Variants in SLC44A1 observed in about 807,000 individuals in gnomAD.
The protein encoded by SLC44A1 is choline transporter-like protein 1.
In SLC44A1, 26 loss-of-function variants were observed where a neutral mutation model predicts 79.3. That is an observed-to-expected ratio of 0.33 (90% CI 0.24 to 0.46). SLC44A1 has a LOEUF of 0.46. Ranked by LOEUF, SLC44A1 falls within the 20% of genes least tolerant of loss-of-function variation. The probability of loss-of-function intolerance (pLI) is 1.00; values close to 1 mark genes in which losing one functional copy is unlikely to be tolerated. For synonymous variants in SLC44A1, 263 were observed against 286.2 expected, an observed-to-expected ratio of 0.92 and a Z score of 0.82; for missense variants, 688 against 798.1, an observed-to-expected ratio of 0.86 and a Z score of 1.66.
intron 7 of SLC44A1, among the ~76,000 whole-genome samples, chr9:105,358,991 C>T (rs1366642158): frequency 6.6e-6 from 1 of 152,046 alleles, no homozygotes; most frequent in East Asian, 1.9e-4. Context: ...ATAAACTTTC[C>T]TTCCTTTCAT....
intron 13 of SLC44A1, among the ~76,000 whole-genome samples, chr9:105,375,476 T>G (rs1052950290): frequency 2.0e-5 from 3 of 152,202 alleles, no homozygotes; most frequent in African/African-American, 7.2e-5. Flanking sequence ...GCAGGTTAGA[T>G]AAGGGAATCA....
intron 1 of SLC44A1, among the ~76,000 whole-genome samples, chr9:105,275,274 T>C (rs1298505911): frequency 2.0e-5 from 3 of 152,204 alleles, no homozygotes; most frequent in African/African-American, 7.2e-5. Context: ...ATTTTAGCTC[T>C]TTCATGGAAA....
At chr9:105,413,851 C>T (rs760994915) in intron 15 of SLC44A1, among the ~76,000 whole-genome samples, 1 of 152,122 alleles carries the variant, frequency 6.6e-6, no homozygotes, top group Non-Finnish European at 1.5e-5. Flanking sequence ...CCCCTGACTA[C>T]GAAGGAATGT....
chr9:105,412,186 C>G (rs758195853), intron 15 of SLC44A1, among the ~76,000 whole-genome samples: 1 of 152,070 alleles, frequency 6.6e-6, no homozygotes, highest in Non-Finnish European at 1.5e-5. Context: ...TGTTAAATAA[C>G]GTTTTAATTA....
At chr9:105,371,847 A>G (rs1280788129) in intron 12 of SLC44A1, among the ~76,000 whole-genome samples, 3 of 152,126 alleles carry the variant, frequency 2.0e-5, no homozygotes, top group Non-Finnish European at 4.4e-5. Context: ...ACTGGTGTGA[A>G]CTGGGAACCA....
chr9:105,391,197 T>C lies in SLC44A1; in HGVS notation c.*2141T>C. On this transcript the variant is annotated 3_prime_UTR_variant, in exon 16 of 16. Transcript: ENST00000374720. ...ACTTGGAAATTAGGTTCTACTCACT[T>C]GGACATCCCTGCATCATGGACTGTT... 1 of 985,788 alleles carries C rather than the reference T, an allele frequency of 1.0e-6. No individual in the cohort carries two copies. Among genetic ancestry groups the C allele is most frequent in the African/African-American group, 1.7e-5 (1 of 57,372 alleles). 61.1% of individuals were successfully genotyped at this position (985,788 alleles called of 1,614,324 possible). A position where few individuals can be genotyped will look rare whatever the true frequency, so the allele number is the denominator to read the frequency against.
chr9:105,262,800 A>G (rs981128412), intron 1 of SLC44A1, among the ~76,000 whole-genome samples: 2 of 152,142 alleles, frequency 1.3e-5, no homozygotes, highest in African/African-American at 4.8e-5. Flanking sequence ...ACATCAGACC[A>G]CCTTTCCATT....
At position 105,244,667 on chromosome 9, in the gene SLC44A1, T is replaced by TCGC. The variant is rs1020520623; in HGVS notation, c.-193_-191dup. The TCGC allele has an allele frequency of 2.7e-5, 7 of 255,514 alleles. No homozygotes were observed. The highest frequency in any genetic ancestry group is 5.6e-5 in the Admixed American group (1 of 17,920). The allele number at this position is 255,514 out of a possible 1,614,324, so 15.8% of individuals were successfully genotyped here. A position where few individuals can be genotyped will look rare whatever the true frequency, so the allele number is the denominator to read the frequency against. On this transcript the variant is annotated 5_prime_UTR_variant, in exon 1 of 16. Coordinates refer to ENST00000374720, the MANE Select transcript of SLC44A1 (RefSeq NM_080546.5). ...CAGAGCAGGAGACGCGTAGCCGCCG[T>TCGC]CGCCGCCGCCGGGGGATGTGGCCGG...
intron 15 of SLC44A1, among the ~76,000 whole-genome samples, chr9:105,420,385 A>G (rs1368597232): frequency 6.6e-6 from 1 of 152,152 alleles, no homozygotes; most frequent in African/African-American, 2.4e-5. Flanking sequence ...AATTAAAGTT[A>G]CAAACACTCT....
At chr9:105,357,896 G>A (rs1827668187) in intron 6 of SLC44A1, among the ~76,000 whole-genome samples, 1 of 152,188 alleles carries the variant, frequency 6.6e-6, no homozygotes, top group South Asian at 2.1e-4. Context: ...GAAGTTAGTT[G>A]CTCCTGAAAT....
Position 105,390,583 on chromosome 9 carries a change from C to T in SLC44A1, c.*1527C>T. ...AGTAATGTCACTAGGGCTTAATAAGCAGCCGTTTGCTAATGTGCTTCCTTT... is the reference window on the plus strand; with the variant it reads ...AGTAATGTCACTAGGGCTTAATAAGTAGCCGTTTGCTAATGTGCTTCCTTT... On this transcript the variant is annotated 3_prime_UTR_variant, in exon 16 of 16. Coordinates refer to ENST00000374720, the MANE Select transcript of SLC44A1 (RefSeq NM_080546.5). 1 of 985,780 alleles carries T rather than the reference C, an allele frequency of 1.0e-6. No homozygotes were observed. The highest frequency in any genetic ancestry group is 1.2e-6 in the Non-Finnish European group (1 of 829,926). 61.1% of individuals were successfully genotyped at this position (985,780 alleles called of 1,614,324 possible).
chr9:105,344,052 C>T (rs556584601), intron 4 of SLC44A1, among the ~76,000 whole-genome samples: 17 of 152,166 alleles, frequency 1.1e-4, no homozygotes, highest in African/African-American at 4.1e-4. Flanking sequence ...TGTAGTGTTT[C>T]TTAATTAGTG....
At chr9:105,314,066 A>G (rs898171970) in intron 3 of SLC44A1, among the ~76,000 whole-genome samples, 12 of 152,110 alleles carry the variant, frequency 7.9e-5, no homozygotes, top group African/African-American at 2.9e-4. Context: ...GCCCAGCCTT[A>G]TTACTAATAT....
intron 3 of SLC44A1, among the ~76,000 whole-genome samples, chr9:105,319,285 G>A (rs1490584673): frequency 1.3e-5 from 2 of 152,116 alleles, no homozygotes; most frequent in Non-Finnish European, 2.9e-5. Context: ...CTGTACTCAT[G>A]GTTATGGTTT....
intron 3 of SLC44A1, among the ~76,000 whole-genome samples, chr9:105,325,327 G>A (rs1052132790): frequency 1.3e-5 from 2 of 152,212 alleles, no homozygotes; most frequent in Admixed American, 6.5e-5. Context: ...ATTAGTAGTT[G>A]CCTAGGGCTG....
At chr9:105,361,655 G>A (rs1450271753) in intron 8 of SLC44A1, among the ~76,000 whole-genome samples, 18 of 152,076 alleles carry the variant, frequency 1.2e-4, no homozygotes, top group East Asian at 1.9e-4. Context: ...TCCCTTTACT[G>A]TAGAAAAGTA....
Position 105,244,733 on chromosome 9 carries a change from C to T in SLC44A1, c.-136C>T, listed in dbSNP as rs1829380990. 5.3e-6 allele frequency: 2 copies of T among 374,014 alleles called. No homozygotes were observed. The highest frequency in any genetic ancestry group is 8.6e-6 in the Non-Finnish European group (2 of 233,558). The allele number at this position is 374,014 out of a possible 1,614,324, so 23.2% of individuals were successfully genotyped here. On this transcript the variant is annotated 5_prime_UTR_variant, in exon 1 of 16. Transcript: ENST00000374720. ...GCGCCGCCTCTTGAGTACCAGCCGC[C>T]GCTGCAGCCGCCGCCGCCGCCTAGC...
intron 1 of SLC44A1, among the ~76,000 whole-genome samples, chr9:105,281,915 A>G (rs1830361972): frequency 6.6e-6 from 1 of 152,244 alleles, no homozygotes; most frequent in Admixed American, 6.5e-5. Context: ...TACTTAGGGC[A>G]GTACAGAAAG....
At chr9:105,328,090 A>G (rs759023908) in intron 3 of SLC44A1, among the ~76,000 whole-genome samples, 9 of 152,314 alleles carry the variant, frequency 5.9e-5, no homozygotes, top group South Asian at 2.1e-4. Context: ...AAAATCTTAT[A>G]TAATTACCAT....
Sources: allele counts gnomAD v4.1 joint callset (sites outside exome capture counted in the v4.1 genomes callset), GRCh38; gene constraint gnomAD v4.1.1; transcripts MANE v1.5; gene names NCBI Gene and HGNC (gene_info 2026-07-23, HGNC 2026-07-21).